The following KCNH7 variants were observed in gnomAD, a reference collection of about 807,000 sequenced individuals.
KCNH7 encodes potassium voltage-gated channel subfamily H member 7.
In KCNH7, 49 loss-of-function variants were observed where a neutral mutation model predicts 120.8. That is an observed-to-expected ratio of 0.41 (90% CI 0.32 to 0.51). The LOEUF (loss-of-function observed/expected upper bound fraction) is 0.51, where lower values mean the gene tolerates loss of function less well. Ranked by LOEUF, KCNH7 falls within the 20% of genes least tolerant of loss-of-function variation. KCNH7 has a pLI of 0.38. For missense variants in KCNH7, 1,097 were observed against 1,446.6 expected, an observed-to-expected ratio of 0.76 and a Z score of 3.92; for synonymous variants, 547 against 516.1, an observed-to-expected ratio of 1.06 and a Z score of -0.81.
intron 2 of KCNH7, among the ~76,000 whole-genome samples, chr2:162,618,252 C>G (rs539027627): frequency 6.6e-6 from 1 of 151,906 alleles, no homozygotes; most frequent in African/African-American, 2.4e-5. Flanking sequence ...CTTATTTAGT[C>G]TCAGGCCTCT....
In KCNH7 at chr2:162,742,733, AAG is replaced by A; in HGVS notation, c.307+93802_307+93803del. 4.6e-5 allele frequency among the ~76,000 whole-genome samples: 7 copies of A among 152,326 alleles called. 1 individual carries two copies. The Middle Eastern group carries it at 0.024, about 518-fold the overall frequency. The stretch of plus-strand genomic sequence containing the variant: ...TACAGAAGAGAAGAAGGAAGAGAGC[AAG>A]AGACCTCCCTATGATATAGATGGTA... On this transcript the variant is annotated intron_variant, in intron 2 of 15. Transcript: ENST00000332142.
intron 6 of KCNH7, among the ~76,000 whole-genome samples, chr2:162,465,232 G>T (rs192177729): frequency 1.3e-5 from 2 of 152,098 alleles, no homozygotes; most frequent in Admixed American, 1.3e-4. Flanking sequence ...AAATAAGTGG[G>T]TTGAGCTAAG....
At chr2:162,686,952 A>G (rs1685913840) in intron 2 of KCNH7, among the ~76,000 whole-genome samples, 1 of 152,134 alleles carries the variant, frequency 6.6e-6, no homozygotes, top group African/African-American at 2.4e-5. Context: ...TTTTAGAAGA[A>G]AGTATTTCTG....
chr2:162,434,122 T>C (rs1367977891), intron 8 of KCNH7, among the ~76,000 whole-genome samples: 2 of 152,060 alleles, frequency 1.3e-5, no homozygotes, highest in East Asian at 1.9e-4. Context: ...AGTGAATTAA[T>C]ACAGGAACAG....
At chr2:162,551,446 A>G (rs757358324) in intron 2 of KCNH7, among the ~76,000 whole-genome samples, 1 of 152,178 alleles carries the variant, frequency 6.6e-6, no homozygotes, top group Non-Finnish European at 1.5e-5. Flanking sequence ...CAAGAGTTGA[A>G]GTTCAGCTGT....
chr2:162,481,122 TAA>T (rs2105681475), intron 6 of KCNH7, among the ~76,000 whole-genome samples: 1 of 152,282 alleles, frequency 6.6e-6, no homozygotes, highest in South Asian at 2.1e-4. Flanking sequence ...ATTACCAGTA[TAA>T]ATTTTGTCAC....
intron 2 of KCNH7, among the ~76,000 whole-genome samples, chr2:162,635,080 T>C (rs1559055732): frequency 6.6e-6 from 1 of 152,112 alleles, no homozygotes; most frequent in African/African-American, 2.4e-5. Context: ...ATGTGGCTAG[T>C]AGTTACCATA....
chr2:162,659,637 C>T (rs1192205187), intron 2 of KCNH7, among the ~76,000 whole-genome samples: 1 of 152,156 alleles, frequency 6.6e-6, no homozygotes, highest in Non-Finnish European at 1.5e-5. Context: ...GCCACTGCGC[C>T]TGGCCAATAG....
chr2:162,425,142 C>T lies in KCNH7; in HGVS notation c.1955-1607G>A, dbSNP rs369802039. 4.0e-4 allele frequency among the ~76,000 whole-genome samples: 61 copies of T among 152,148 alleles called. No individual in the cohort carries two copies. The South Asian group carries it at 0.012, about 30-fold the overall frequency. ...TACTCCAGCCTTTGGACTTGCGCTCCGACTCAGACTGAAAACACATCATGG... is the reference window on the plus strand; with the variant it reads ...TACTCCAGCCTTTGGACTTGCGCTCTGACTCAGACTGAAAACACATCATGG... On this transcript the variant is annotated intron_variant, in intron 8 of 15. Coordinates refer to ENST00000332142, the MANE Select transcript of KCNH7 (RefSeq NM_033272.4).
chr2:162,788,653 T>C (rs1683800696), intron 2 of KCNH7, among the ~76,000 whole-genome samples: 1 of 151,934 alleles, frequency 6.6e-6, no homozygotes, highest in South Asian at 2.1e-4. Flanking sequence ...ACCAATTATG[T>C]ATTATTTAAG....
intron 2 of KCNH7, among the ~76,000 whole-genome samples, chr2:162,758,344 T>A (rs1036785747): frequency 6.6e-6 from 1 of 152,178 alleles, no homozygotes; most frequent in East Asian, 1.9e-4. Context: ...TTAGTCAAAC[T>A]GAGACACCAT....
At chr2:162,560,579 G>T (rs1046425067) in intron 2 of KCNH7, among the ~76,000 whole-genome samples, 14 of 152,154 alleles carry the variant, frequency 9.2e-5, no homozygotes, top group African/African-American at 3.4e-4. Flanking sequence ...GTGTGTAAAA[G>T]GCTATGTGCA....
At chr2:162,646,057 C>T (rs894748496) in intron 2 of KCNH7, among the ~76,000 whole-genome samples, 4 of 152,112 alleles carry the variant, frequency 2.6e-5, no homozygotes, top group East Asian at 3.9e-4. Context: ...TCAAATTATA[C>T]AAGAACTAGT....
chr2:162,788,040 A>ATTTTTTTTTTT (rs1683778090), intron 2 of KCNH7, among the ~76,000 whole-genome samples: 1 of 149,062 alleles, frequency 6.7e-6, no homozygotes, highest in African/African-American at 2.6e-5. Context: ...AATTCTTCAA[A>ATTTTTTTTTTT]TGATAAGATA....
chr2:162,709,640 A>C (rs1686847388), intron 2 of KCNH7, among the ~76,000 whole-genome samples: 1 of 152,066 alleles, frequency 6.6e-6, no homozygotes, highest in South Asian at 2.1e-4. Flanking sequence ...TTTTACTCCA[A>C]CCAAACAGAT....
chr2:162,595,554 T>G (rs1694349484), intron 2 of KCNH7, among the ~76,000 whole-genome samples: 1 of 151,846 alleles, frequency 6.6e-6, no homozygotes, highest in African/African-American at 2.4e-5. Context: ...AAAATAGGTA[T>G]AGGAGGAAAG....
intron 12 of KCNH7, among the ~76,000 whole-genome samples, chr2:162,386,451 G>A (rs775734094): frequency 4.0e-4 from 60 of 151,820 alleles, no homozygotes; most frequent in Non-Finnish European, 6.8e-4. Flanking sequence ...CCTAGTAAAT[G>A]TGAAAAAAAC....
chr2:162,832,807 T>C (rs1043670783), intron 2 of KCNH7, among the ~76,000 whole-genome samples: 1 of 152,136 alleles, frequency 6.6e-6, no homozygotes, highest in African/African-American at 2.4e-5. Flanking sequence ...TTTTCAGACA[T>C]AGTAAATTCA....
chr2:162,383,427 A>G (rs1244616753), intron 13 of KCNH7, among the ~76,000 whole-genome samples: 7 of 151,978 alleles, frequency 4.6e-5, no homozygotes. Context: ...TAGATTGTCC[A>G]GAGAACACTT....
Sources: gnomAD v4.1 joint callset for allele counts (sites outside exome capture counted in the v4.1 genomes callset) on GRCh38, gnomAD v4.1.1 for gene constraint, MANE v1.5 for transcripts, NCBI Gene and HGNC (gene_info 2026-07-23, HGNC 2026-07-21) for gene names.